Variants in CEP250 observed in about 807,000 individuals in gnomAD.
The protein encoded by CEP250 is centrosomal protein 250.
In CEP250, 242 loss-of-function variants were observed where a neutral mutation model predicts 315.7. That is an observed-to-expected ratio of 0.77 (90% CI 0.69 to 0.85). The LOEUF is 0.85. CEP250 is among the 40% of genes least tolerant of loss of function. CEP250 has a pLI of 0.00. For synonymous variants in CEP250, 1,088 were observed against 1,175.0 expected (o/e 0.93, Z 1.51); for missense variants, 2,515 against 2,886.4 (o/e 0.87, Z 2.95).
chr20:35,490,254 A>G (rs1438165285), intron 20 of CEP250, among the ~76,000 whole-genome samples: 1 of 152,102 alleles, frequency 6.6e-6, no homozygotes, highest in Non-Finnish European at 1.5e-5. Context: ...TGGAGGTTGC[A>G]GTGAGCGGAG....
At chr20:35,498,790 G>A (rs2147117324) in intron 27 of CEP250, 74 bp downstream of exon 27, 2 of 1,458,800 alleles carry the variant, frequency 1.4e-6, no homozygotes, top group African/African-American at 1.5e-5. Context: ...GTGTGAAGCA[G>A]TTTGACCTGT....
chr20:35,483,765 T>A (rs1456400932), intron 20 of CEP250, among the ~76,000 whole-genome samples: 5 of 152,154 alleles, frequency 3.3e-5, no homozygotes, highest in African/African-American at 1.2e-4. Flanking sequence ...CCTCTTGCAT[T>A]TTACATGTTT....
Position 35,493,515 on chromosome 20 carries a change from T to C in CEP250, c.2976T>C (p.Ala992=), listed in dbSNP as rs769539672. The C allele has an allele frequency of 5.6e-6, 9 of 1,609,042 alleles. No individual in the cohort carries two copies. Among genetic ancestry groups the C allele is most frequent in the Non-Finnish European group, 6.8e-6 (8 of 1,177,984 alleles). ...CCCGGCAGCACAGAGATGACCTTGC[T>C]GCCCTCCAAGAAGAGAGCAGCTCCC... ...EAARQHRDDL[A]ALQEESSSLL... Residue 992 remains alanine (A), a synonymous_variant, in exon 23 of 35, where the codon GCT becomes GCC. Coordinates refer to ENST00000397527, the MANE Select transcript of CEP250 (RefSeq NM_007186.6).
Position 35,472,780 on chromosome 20 carries a change from G to A in CEP250, c.1158G>A (p.Lys386=), listed in dbSNP as rs1186738262. The A allele has an allele frequency of 3.1e-6, 5 of 1,614,048 alleles. No individual in the cohort carries two copies. The highest frequency in any genetic ancestry group is 4.2e-6 in the Non-Finnish European group (5 of 1,180,040). The change falls in exon 12 of 35, where the codon AAG becomes AAA. Residue 386 remains lysine, a synonymous_variant. Transcript: ENST00000397527. ...AGTTTGATTACCAGGATGCAGACAA[G>A]GCTCTTACTCTGGTGCGTTCAGTGC... ...FSQFDYQDAD[K]ALTLVRSVLT... is the part of the protein sequence containing the mutation.
chr20:35,481,618 ATTTTT>A (rs199864664), intron 20 of CEP250, among the ~76,000 whole-genome samples: 2 of 123,638 alleles, frequency 1.6e-5, no homozygotes, highest in African/African-American at 2.9e-5. Context: ...TTCTATTCAG[ATTTTT>A]TTTTTTTTTT....
intron 24 of CEP250, among the ~76,000 whole-genome samples, chr20:35,495,854 C>G (rs533957347): frequency 6.6e-6 from 1 of 152,122 alleles, no homozygotes; most frequent in African/African-American, 2.4e-5. Flanking sequence ...GTACAGTTGT[C>G]CTGATGAGAG....
intron 20 of CEP250, among the ~76,000 whole-genome samples, chr20:35,482,420 CAAAAATTTTTTGT>C (rs1420217462): frequency 0.023 from 3,441 of 151,516 alleles, 147 homozygotes; most frequent in African/African-American, 0.078. Context: ...TTAGTAAATA[CAAAAATTTTTTGT>C]ATTCACCGTG....
At position 35,462,341 on chromosome 20, in the gene CEP250, C is replaced by G; in HGVS notation, c.-27C>G. The G allele has an allele frequency of 6.5e-7, 1 of 1,549,262 alleles. No homozygotes were observed. The highest frequency in any genetic ancestry group is 2.4e-5 in the East Asian group (1 of 41,698). ...TGAACACCCTCTGGCTACCTAGGGACCTGTGGGCCTACCACCTGGTGCCCT... is the reference window on the plus strand; with the variant it reads ...TGAACACCCTCTGGCTACCTAGGGAGCTGTGGGCCTACCACCTGGTGCCCT... On this transcript the variant is annotated 5_prime_UTR_variant, in exon 4 of 35. Transcript: ENST00000397527.
At chr20:35,492,537 A>C (rs80166931) in intron 22 of CEP250, among the ~76,000 whole-genome samples, 369 of 152,316 alleles carry the variant, frequency 2.4e-3, no homozygotes, top group African/African-American at 8.5e-3. Flanking sequence ...CACTTTAGGC[A>C]GAGGAAACAC....
chr20:35,458,587 T>G (rs2062683629), intron 2 of CEP250, among the ~76,000 whole-genome samples: 1 of 152,190 alleles, frequency 6.6e-6, no homozygotes, highest in Non-Finnish European at 1.5e-5. Context: ...GTTTGCCAGC[T>G]ACTGCTCTTT....
At chr20:35,509,209 C>A (rs1424851242) in intron 33 of CEP250, among the ~76,000 whole-genome samples, 165 bp downstream of exon 33, 2 of 152,196 alleles carry the variant, frequency 1.3e-5, no homozygotes, top group African/African-American at 4.8e-5. Context: ...TGTCCCTGCC[C>A]TGAGAAGGAG....
At chr20:35,496,858 T>A in intron 25 of CEP250, 143 bp downstream of exon 25, 1 of 851,984 alleles carries the variant, frequency 1.2e-6, no homozygotes, top group Non-Finnish European at 1.7e-6. Flanking sequence ...TCAACACCCC[T>A]ACAGGAGGGG....
intron 8 of CEP250, 111 bp downstream of exon 8, chr20:35,467,183 T>C: frequency 1.6e-6 from 2 of 1,285,906 alleles, no homozygotes; most frequent in Non-Finnish European, 2.2e-6. Context: ...GGTGGGGGAG[T>C]TGGTAGTATT....
chr20:35,495,892 G>T (rs912939207), intron 24 of CEP250, among the ~76,000 whole-genome samples: 6 of 152,210 alleles, frequency 3.9e-5, no homozygotes, highest in African/African-American at 1.2e-4. Flanking sequence ...AGGTAGGGTA[G>T]TGGGGAAGAG....
chr20:35,497,581 A>G, intron 25 of CEP250, 138 bp from the exon 26 acceptor site: 2 of 650,214 alleles, frequency 3.1e-6, no homozygotes, highest in Non-Finnish European at 5.4e-6. Context: ...GAGCCCCTCT[A>G]CCTGCCTGAG....
At chr20:35,464,045 C>G (rs1225482841) in intron 5 of CEP250, among the ~76,000 whole-genome samples, 1 of 152,172 alleles carries the variant, frequency 6.6e-6, no homozygotes, top group African/African-American at 2.4e-5. Context: ...TACCTCCTCA[C>G]ATTTTCCTCA....
In CEP250 at chr20:35,470,124, A is replaced by G. The variant is rs2062989600; in HGVS notation, c.948+138A>G. On this transcript the variant is annotated intron_variant, in intron 10 of 34. Transcript: ENST00000397527. ...AAGCTAAAAAATAAATTTTGGCTGAATCTGAAAATTAATTAACTCATTCAT... is the reference window on the plus strand; with the variant it reads ...AAGCTAAAAAATAAATTTTGGCTGAGTCTGAAAATTAATTAACTCATTCAT... 15 of 642,688 alleles carry G rather than the reference A, an allele frequency of 2.3e-5. No individual in the cohort carries two copies. In the South Asian group the frequency reaches 2.8e-4, roughly 12 times the overall value. The allele number at this position is 642,688 out of a possible 1,614,324, so 39.8% of individuals were successfully genotyped here.
intron 33 of CEP250, among the ~76,000 whole-genome samples, 167 bp downstream of exon 33, chr20:35,509,211 G>T (rs1057273671): frequency 6.6e-6 from 1 of 152,208 alleles, no homozygotes; most frequent in Admixed American, 6.5e-5. Flanking sequence ...TCCCTGCCCT[G>T]AGAAGGAGGC....
intron 12 of CEP250, 25 bp downstream of exon 12, chr20:35,472,856 C>T (rs373962524): frequency 3.2e-5 from 51 of 1,612,734 alleles, no homozygotes; most frequent in Non-Finnish European, 4.1e-5. Context: ...CATTCCACCT[C>T]AGTCACAGGG....
Sources: gnomAD v4.1 joint callset for allele counts (sites outside exome capture counted in the v4.1 genomes callset) on GRCh38, gnomAD v4.1.1 for gene constraint, MANE v1.5 for transcripts, NCBI Gene and HGNC (gene_info 2026-07-23, HGNC 2026-07-21) for gene names.